Variants in STRN observed in about 807,000 individuals in gnomAD.
The protein encoded by STRN is striatin.
In STRN, 53 loss-of-function variants were observed where a neutral mutation model predicts 96.3. The observed-to-expected ratio is 0.55, with a 90% CI of 0.44 to 0.69. STRN has a LOEUF of 0.69. STRN is among the 30% of genes least tolerant of loss of function. The pLI is 0.00. For missense variants in STRN, 987 were observed against 963.9 expected (o/e 1.02, Z -0.32); for synonymous variants, 428 against 355.9 (o/e 1.20, Z -2.28).
intron 9 of STRN, among the ~76,000 whole-genome samples, chr2:36,881,105 G>C (rs1414480012): frequency 7.1e-6 from 1 of 140,354 alleles, no homozygotes; most frequent in Non-Finnish European, 1.5e-5. Context: ...CCTTTTAAAT[G>C]TGACACTGCC....
chr2:36,872,148 C>T (rs1362679416), intron 10 of STRN, among the ~76,000 whole-genome samples: 1 of 152,164 alleles, frequency 6.6e-6, no homozygotes. Context: ...TAGTTTCCTC[C>T]CCCATTATGG....
At chr2:36,864,215 A>C (rs530338542) in intron 12 of STRN, among the ~76,000 whole-genome samples, 3 of 152,300 alleles carry the variant, frequency 2.0e-5, no homozygotes, top group South Asian at 2.1e-4. Flanking sequence ...GAGAGCAGGC[A>C]TCCTTGTCTT....
intron 1 of STRN, among the ~76,000 whole-genome samples, chr2:36,945,463 T>G (rs1326527632): frequency 6.6e-6 from 1 of 152,130 alleles, no homozygotes; most frequent in Non-Finnish European, 1.5e-5. Flanking sequence ...GTCAGGAGTT[T>G]GAGACCAGCC....
chr2:36,903,010 G>C (rs563056918), intron 4 of STRN: 93 of 228,348 alleles, frequency 4.1e-4, no homozygotes, highest in African/African-American at 2.0e-3. Flanking sequence ...AGAAGAAGCT[G>C]GTCTTTAATA....
At chr2:36,860,264 A>G (rs1668442478) in intron 13 of STRN, among the ~76,000 whole-genome samples, 1 of 152,200 alleles carries the variant, frequency 6.6e-6, no homozygotes, top group African/African-American at 2.4e-5. Context: ...CAAAATGGGA[A>G]GGACTGGCCT....
rs373121939 is a variant in STRN at position 36,851,055 on chromosome 2, C to T, written c.2031G>A (p.Pro677=). Residue 677 remains proline, a synonymous_variant, in exon 16 of 18, where the codon CCG becomes CCA. Transcript: ENST00000263918. ...INRVISHPTL[P]ISITAHEDRH... ...TGTCTTCATGAGCAGTGATGCTGAT[C>T]GGAAGAGTAGGATGACTGATGACTC... The T allele has an allele frequency of 5.2e-5, 84 of 1,612,656 alleles. No individual in the cohort carries two copies. The highest frequency in any genetic ancestry group is 6.4e-5 in the Non-Finnish European group (76 of 1,179,612).
At chr2:36,850,697 C>G (rs569951730) in intron 16 of STRN, among the ~76,000 whole-genome samples, 1 of 152,272 alleles carries the variant, frequency 6.6e-6, no homozygotes, top group African/African-American at 2.4e-5. Flanking sequence ...ATCATAGCAA[C>G]AGATCATTTT....
chr2:36,958,748 T>A (rs1286059640), intron 1 of STRN, among the ~76,000 whole-genome samples: 1 of 152,272 alleles, frequency 6.6e-6, no homozygotes. Context: ...CCTAACAAGA[T>A]AGCAACTGAG....
At chr2:36,902,235 G>C (rs1384902614) in intron 5 of STRN, among the ~76,000 whole-genome samples, 1 of 152,016 alleles carries the variant, frequency 6.6e-6, no homozygotes, top group African/African-American at 2.4e-5. Flanking sequence ...CAGAATTTGA[G>C]GTATTTTTAC....
intron 2 of STRN, among the ~76,000 whole-genome samples, chr2:36,917,371 A>G (rs1187337926): frequency 6.6e-6 from 1 of 151,698 alleles, no homozygotes; most frequent in Non-Finnish European, 1.5e-5. Flanking sequence ...AAAAATACAA[A>G]AATTAGCTAG....
In STRN at chr2:36,848,168, A is replaced by G. The variant is rs944341813; in HGVS notation, c.*1288T>C. On this transcript the variant is annotated 3_prime_UTR_variant, in exon 18 of 18. Transcript: ENST00000263918. Reference sequence around the variant, plus strand: ...CCTTTTAAGGTGTGGATTTCCCCAGAAACAATACTGATCCACTGCCCATTA... The same window carrying G: ...CCTTTTAAGGTGTGGATTTCCCCAGGAACAATACTGATCCACTGCCCATTA... 6.6e-6 allele frequency: 1 copy of G among 152,214 alleles called. No individual in the cohort carries two copies. Among genetic ancestry groups the G allele is most frequent in the Non-Finnish European group, 1.5e-5 (1 of 68,040 alleles). The allele number at this position is 152,214 out of a possible 1,614,324, so 9.4% of individuals were successfully genotyped here.
intron 3 of STRN, among the ~76,000 whole-genome samples, chr2:36,905,868 TA>T (rs1669805938): frequency 6.6e-6 from 1 of 152,188 alleles, no homozygotes; most frequent in East Asian, 1.9e-4. Flanking sequence ...TCCCTGTCTT[TA>T]ACTAGACTAA....
chr2:36,949,200 T>G (rs541612080), intron 1 of STRN, among the ~76,000 whole-genome samples: 1 of 152,368 alleles, frequency 6.6e-6, no homozygotes, highest in East Asian at 1.9e-4. Flanking sequence ...CAATAGGCTA[T>G]GCCATATAGC....
rs1045924942 is a variant in STRN, at chr2:36,845,626, C to T, written c.*3830G>A. 16 of 152,240 alleles carry T rather than the reference C, an allele frequency of 1.1e-4. No individual in the cohort carries two copies. The highest frequency in any genetic ancestry group is 3.4e-4 in the African/African-American group (14 of 41,552). 9.4% of individuals were successfully genotyped at this position (152,240 alleles called of 1,614,324 possible). ...GTGAGCCTTTAAAAAATTACATTTACTTAGCCAACATTAATGAGATCCCAT... is the reference window on the plus strand; with the variant it reads ...GTGAGCCTTTAAAAAATTACATTTATTTAGCCAACATTAATGAGATCCCAT... On this transcript the variant is annotated 3_prime_UTR_variant, in exon 18 of 18. Coordinates refer to ENST00000263918, the MANE Select transcript of STRN (RefSeq NM_003162.4).
At position 36,861,271 on chromosome 2, in the gene STRN, AT is replaced by A. The variant is rs762092864; in HGVS notation, c.1548-19del. ...CTGGACCTCTGGGAGATTAAAAAAA[AT>A]AAATCAACTGCTATTCTCAAAAACC... On this transcript the variant is annotated intron_variant, in intron 12 of 17. Transcript: ENST00000263918. The A allele has an allele frequency of 1.6e-5, 25 of 1,606,196 alleles. No homozygotes were observed. Among genetic ancestry groups the A allele is most frequent in the Non-Finnish European group, 2.1e-5 (25 of 1,177,932 alleles).
Position 36,886,809 on chromosome 2 carries a change from G to C in STRN, c.949C>G (p.Leu317Val), listed in dbSNP as rs1248924328. The change falls in exon 8 of 18, where the codon CTC becomes GTC. Residue 317 changes from leucine to valine, a missense_variant. Physicochemically the swap from Leu to Val is conservative, Grantham distance 32. Coordinates refer to ENST00000263918, the MANE Select transcript of STRN (RefSeq NM_003162.4). Reference sequence around the variant, plus strand: ...TCCACATTCCAGGCTTCAGGCATGAGACACTGGTCTTCCTTTTCTAAACAG... The same window carrying C: ...TCCACATTCCAGGCTTCAGGCATGACACACTGGTCTTCCTTTTCTAAACAG... ...GTDWEKEDQC[L>V]MPEAWNVDQG... 12 of 1,612,358 alleles carry C rather than the reference G, an allele frequency of 7.4e-6. No homozygotes were observed. The highest frequency in any genetic ancestry group is 1.0e-5 in the Non-Finnish European group (12 of 1,179,308).
chr2:36,919,929 G>C (rs1425236420), intron 2 of STRN, among the ~76,000 whole-genome samples: 1 of 152,104 alleles, frequency 6.6e-6, no homozygotes, highest in Non-Finnish European at 1.5e-5. Flanking sequence ...GGAATGCTTT[G>C]ATAAATCCAC....
rs1668154537 is a variant in STRN at position 36,849,156 on chromosome 2, T to C, written c.*300A>G. The C allele has an allele frequency of 3.3e-6, 1 of 300,336 alleles. No individual in the cohort carries two copies. Among genetic ancestry groups the C allele is most frequent in the Non-Finnish European group, 6.2e-6 (1 of 161,238 alleles). The allele number at this position is 300,336 out of a possible 1,614,324, so 18.6% of individuals were successfully genotyped here. ...CTTACTCAACAGGGACAAGCTAAACTTGTATTCGCTCAGGCCTGCCTAGCG... is the reference window on the plus strand; with the variant it reads ...CTTACTCAACAGGGACAAGCTAAACCTGTATTCGCTCAGGCCTGCCTAGCG... On this transcript the variant is annotated 3_prime_UTR_variant, in exon 18 of 18. Coordinates refer to ENST00000263918, the MANE Select transcript of STRN (RefSeq NM_003162.4).
chr2:36,940,377 G>A (rs912021367), intron 1 of STRN, among the ~76,000 whole-genome samples: 5 of 152,050 alleles, frequency 3.3e-5, no homozygotes, highest in African/African-American at 1.2e-4. Flanking sequence ...AATATATAGA[G>A]CTGAATCATC....
Sources: gnomAD v4.1 joint callset for allele counts (sites outside exome capture counted in the v4.1 genomes callset) on GRCh38, gnomAD v4.1.1 for gene constraint, MANE v1.5 for transcripts, NCBI Gene and HGNC (gene_info 2026-07-23, HGNC 2026-07-21) for gene names.